Variants in PCDHA11 observed in about 807,000 individuals in gnomAD.
PCDHA11 encodes the protein protocadherin alpha-11.
In PCDHA11, 61 loss-of-function variants were observed where a neutral mutation model predicts 70.3. The observed-to-expected ratio is 0.87, with a 90% CI of 0.71 to 1.07. The LOEUF (loss-of-function observed/expected upper bound fraction) is 1.07. Among genes scored for constraint, PCDHA11 ranks in the 50% least tolerant of loss-of-function variants. The pLI, the probability that PCDHA11 is intolerant of heterozygous loss-of-function variation, is 0.00. For synonymous variants in PCDHA11, 633 were observed against 555.1 expected (o/e 1.14, Z -1.97); for missense variants, 1,324 against 1,237.5 (o/e 1.07, Z -1.05).
In PCDHA11 at chr5:140,868,963, A is replaced by G; in HGVS notation, c.-141A>G. 1.4e-6 allele frequency: 2 copies of G among 1,423,054 alleles called. No homozygotes were observed. Among genetic ancestry groups the G allele is most frequent in the Non-Finnish European group, 1.9e-6 (2 of 1,061,304 alleles). 88.2% of individuals were successfully genotyped at this position (1,423,054 alleles called of 1,614,324 possible). ...TGAACAGTGAGGCACTCCCATACAA[A>G]GGAACTCCATCATACCGGATGCCAC... On this transcript the variant is annotated 5_prime_UTR_variant, in exon 1 of 4. Coordinates refer to ENST00000398640, the MANE Select transcript of PCDHA11 (RefSeq NM_018902.5).
intron 3 of PCDHA11, among the ~76,000 whole-genome samples, chr5:141,000,842 G>A (rs2097967739): frequency 1.3e-5 from 2 of 151,954 alleles, no homozygotes; most frequent in Non-Finnish European, 2.9e-5. Flanking sequence ...AGGAGATCCA[G>A]TCTGGCAGTC....
intron 1 of PCDHA11, among the ~76,000 whole-genome samples, chr5:140,906,069 T>C (rs2072342341): frequency 6.6e-6 from 1 of 152,204 alleles, no homozygotes; most frequent in African/African-American, 2.4e-5. Flanking sequence ...GCTGATTAGA[T>C]CGCACCCACC....
intron 1 of PCDHA11, among the ~76,000 whole-genome samples, chr5:140,940,415 A>G (rs1187271340): frequency 2.0e-5 from 3 of 152,118 alleles, no homozygotes; most frequent in African/African-American, 7.2e-5. Flanking sequence ...TAAAAATTAT[A>G]ATTATTACTG....
chr5:140,992,757 G>A (rs1345373474), intron 3 of PCDHA11, among the ~76,000 whole-genome samples: 2 of 152,110 alleles, frequency 1.3e-5, no homozygotes, highest in Non-Finnish European at 2.9e-5. Context: ...CCTGTGTTGG[G>A]GATAGGAGGG....
At chr5:141,000,415 A>T (rs1462372394) in intron 3 of PCDHA11, among the ~76,000 whole-genome samples, 8 of 87,370 alleles carry the variant, frequency 9.2e-5, no homozygotes, top group African/African-American at 2.5e-4. Flanking sequence ...ATATATATAT[A>T]TATATATTTT....
chr5:140,889,080 A>G (rs2062092798), intron 1 of PCDHA11, among the ~76,000 whole-genome samples: 1 of 151,888 alleles, frequency 6.6e-6, no homozygotes, highest in Non-Finnish European at 1.5e-5. Flanking sequence ...ATTTTGTTAA[A>G]TTTTCAAAAC....
chr5:140,972,406 A>T (rs75214457), intron 1 of PCDHA11, among the ~76,000 whole-genome samples: 3,555 of 151,374 alleles, frequency 0.023, 73 homozygotes, highest in Middle Eastern at 0.055. Flanking sequence ...CTATTGGCAA[A>T]CCCTGTTAAG....
chr5:140,928,401 C>T, intron 1 of PCDHA11: 1 of 1,614,028 alleles, frequency 6.2e-7, no homozygotes, highest in Non-Finnish European at 8.5e-7. Flanking sequence ...TGGAATCATC[C>T]AGTGGGGCCA....
At chr5:140,877,627 A>G (rs782765998) in intron 1 of PCDHA11, 3 of 1,613,732 alleles carry the variant, frequency 1.9e-6, no homozygotes, top group Admixed American at 3.3e-5. Context: ...GCTGCTGTAC[A>G]CTGCGCTGCG....
chr5:140,967,340 C>G, intron 1 of PCDHA11: 1 of 1,607,862 alleles, frequency 6.2e-7, no homozygotes. Flanking sequence ...CCCCAGCGAG[C>G]ACTTCGAGCT....
intron 1 of PCDHA11, among the ~76,000 whole-genome samples, chr5:140,966,033 G>C (rs772770928): frequency 6.6e-6 from 1 of 152,138 alleles, no homozygotes; most frequent in African/African-American, 2.4e-5. Context: ...CAGGTGAATA[G>C]TTCCCATCGC....
chr5:140,927,876 G>A lies in PCDHA11; in HGVS notation c.2392-51073G>A, dbSNP rs782412797. ...TAGCTAGCACCGCTAAACTGCTGGT[G>A]GAGGTGACTGACGTGAACGATCATG... On this transcript the variant is annotated intron_variant, in intron 1 of 3. Transcript: ENST00000398640. The A allele has an allele frequency of 1.9e-6, 3 of 1,614,202 alleles. No individual in the cohort carries two copies. The South Asian group carries it at 3.3e-5, about 18-fold the overall frequency.
At chr5:140,988,877 G>A (rs372950279) in intron 3 of PCDHA11, 8 of 152,310 alleles carry the variant, frequency 5.3e-5, no homozygotes, top group East Asian at 3.9e-4. Context: ...TCAGATGTAC[G>A]ATCCTGGATA....
At chr5:141,005,520 G>A (rs34458028) in intron 3 of PCDHA11, among the ~76,000 whole-genome samples, 7,602 of 151,238 alleles carry the variant, frequency 0.05, 239 homozygotes, top group South Asian at 0.11. Flanking sequence ...TGGCTAACAC[G>A]GTGAAACCCC....
Position 140,895,882 on chromosome 5 carries a change from G to C in PCDHA11, c.2391+24388G>C, listed in dbSNP as rs1014874596. Among the ~76,000 whole-genome samples the C allele has an allele frequency of 5.3e-5, 8 of 152,250 alleles. No individual in the cohort carries two copies. The East Asian group carries it at 9.6e-4, about 18-fold the overall frequency. On this transcript the variant is annotated intron_variant, in intron 1 of 3. Coordinates refer to ENST00000398640, the MANE Select transcript of PCDHA11 (RefSeq NM_018902.5). ...GCTGGAGTGCAATGGCGCGATCTCGGCTCACTGCAACCTCCGCGTCCCGGG... is the reference window on the plus strand; with the variant it reads ...GCTGGAGTGCAATGGCGCGATCTCGCCTCACTGCAACCTCCGCGTCCCGGG...
intron 1 of PCDHA11, chr5:140,929,115 C>T: frequency 6.2e-7 from 1 of 1,614,136 alleles, no homozygotes. Context: ...CATCAGCCAC[C>T]ATAGATGTCA....
chr5:140,955,914 G>A (rs1293205418), intron 1 of PCDHA11, among the ~76,000 whole-genome samples: 1 of 152,140 alleles, frequency 6.6e-6, no homozygotes, highest in East Asian at 1.9e-4. Context: ...TAGCAATTGT[G>A]AATGGGAGTT....
chr5:140,877,228 G>A, intron 1 of PCDHA11: 2 of 1,613,700 alleles, frequency 1.2e-6, no homozygotes, highest in Non-Finnish European at 1.7e-6. Context: ...GCGGTCGGTG[G>A]GTGCGGGCCA....
rs556069691 is a variant in PCDHA11 at position 140,951,526 on chromosome 5, G to A, written c.2392-27423G>A. Among the ~76,000 whole-genome samples the A allele has an allele frequency of 7.4e-4, 112 of 152,076 alleles. 1 individual carries two copies. The highest frequency in any genetic ancestry group is 2.6e-3 in the African/African-American group (107 of 41,516). ...GGAAAGCGGCTCATCTTACATGGCC[G>A]GTGCAGGAGCAAGGGACGGGGGGAA... is the stretch of plus-strand genomic sequence containing the variant. On this transcript the variant is annotated intron_variant, in intron 1 of 3. Transcript: ENST00000398640.
Sources: allele counts gnomAD v4.1 joint callset (sites outside exome capture counted in the v4.1 genomes callset), GRCh38; gene constraint gnomAD v4.1.1; transcripts MANE v1.5; gene names NCBI Gene and HGNC (gene_info 2026-07-23, HGNC 2026-07-21).